MAP2K5: variants seen among roughly 807,000 people sequenced by gnomAD.
MAP2K5 encodes dual specificity mitogen-activated protein kinase kinase 5.
MAP2K5 carries 49 observed loss-of-function variants against 83.1 expected under a neutral mutation model. That is an observed-to-expected ratio of 0.59 (90% CI 0.47 to 0.75). MAP2K5 has a LOEUF of 0.75. MAP2K5 is among the 30% of genes least tolerant of loss of function. The pLI, the probability that MAP2K5 is intolerant of heterozygous loss-of-function variation, is 0.00. For missense variants in MAP2K5, 457 were observed against 557.5 expected (o/e 0.82, Z 1.82); for synonymous variants, 202 against 191.8 (o/e 1.05, Z -0.44).
intron 21 of MAP2K5, among the ~76,000 whole-genome samples, chr15:67,797,897 G>A (rs1326293318): frequency 6.6e-6 from 1 of 152,144 alleles, no homozygotes; most frequent in Non-Finnish European, 1.5e-5. Flanking sequence ...TGGTCAGGCT[G>A]GTCTCGAACT....
At chr15:67,692,401 T>G in intron 13 of MAP2K5, 78 bp from the exon 14 acceptor site, 1 of 888,292 alleles carries the variant, frequency 1.1e-6, no homozygotes, top group Middle Eastern at 2.2e-4. Context: ...CTTGGTGTGG[T>G]GTGCATGTGT....
rs34811815 is a variant in MAP2K5, at chr15:67,555,576, CA to C, written c.184+5498del. Reference sequence around the variant, plus strand: ...AATATCTATTACTGTGTTTGCTCACCAAAAGGTAGAACCAATCTACACTCAC... The same window carrying C: ...AATATCTATTACTGTGTTTGCTCACCAAAGGTAGAACCAATCTACACTCAC... On this transcript the variant is annotated intron_variant, in intron 2 of 21. Transcript: ENST00000178640. This position sits in a 1 kb window ranked among gnomAD's most constrained non-coding sequence, Gnocchi z 5.2. Among the ~76,000 whole-genome samples, 1 of 151,670 alleles carries C rather than the reference CA, an allele frequency of 6.6e-6. No homozygotes were observed. The highest frequency in any genetic ancestry group is 2.4e-5 in the African/African-American group (1 of 41,222).
rs1348838287 is a variant in MAP2K5 at position 67,720,516 on chromosome 15, T to C, written c.1045-7400T>C. Among the ~76,000 whole-genome samples the C allele has an allele frequency of 1.3e-5, 2 of 152,306 alleles. No individual in the cohort carries two copies. The highest frequency in any genetic ancestry group is 4.1e-4 in the South Asian group (2 of 4,832). ...AGCATTTAGCCTGAAATCTACTTTT[T>C]ATCATCTTTACCCAGCCATCAGAAT... is the stretch of plus-strand genomic sequence containing the variant. On this transcript the variant is annotated intron_variant, in intron 16 of 21. Coordinates refer to ENST00000178640, the MANE Select transcript of MAP2K5 (RefSeq NM_145160.3). This position sits in a 1 kb window ranked among gnomAD's most constrained non-coding sequence, Gnocchi z 5.7.
rs1044987937 is a variant in MAP2K5 at position 67,801,135 on chromosome 15, A to G, written c.1243-5511A>G. ...GTCCTAACACTCCATTAGTGTGAGA[A>G]GGGACAGAAGTGTTATCACAGCCAA... On this transcript the variant is annotated intron_variant, in intron 21 of 21. Coordinates refer to ENST00000178640, the MANE Select transcript of MAP2K5 (RefSeq NM_145160.3). The surrounding 1 kb of genome is among the most constrained non-coding windows in gnomAD (Gnocchi z 4.8). 1.3e-5 allele frequency among the ~76,000 whole-genome samples: 2 copies of G among 152,304 alleles called. No homozygotes were observed. Among genetic ancestry groups the G allele is most frequent in the Non-Finnish European group, 1.5e-5 (1 of 68,022 alleles).
chr15:67,735,176 A>G (rs2089310920), intron 17 of MAP2K5, among the ~76,000 whole-genome samples: 1 of 152,188 alleles, frequency 6.6e-6, no homozygotes, highest in African/African-American at 2.4e-5. Flanking sequence ...AAGAAGTCTC[A>G]TTATTTTATT....
chr15:67,771,680 T>C (rs1196989778), intron 20 of MAP2K5, among the ~76,000 whole-genome samples: 1 of 152,214 alleles, frequency 6.6e-6, no homozygotes, highest in African/African-American at 2.4e-5. Context: ...TGGTTATTTA[T>C]AGGGAAGGCA....
In MAP2K5 at chr15:67,736,065, C is replaced by G. The variant is rs2089333743; in HGVS notation, c.1074+8120C>G. On this transcript the variant is annotated intron_variant, in intron 17 of 21. Transcript: ENST00000178640. This position sits in a 1 kb window ranked among gnomAD's most constrained non-coding sequence, Gnocchi z 4.3. The stretch of plus-strand genomic sequence containing the variant: ...ACCATTGTTACTTTCATTTCCCTAA[C>G]AGCTTAGCAATTCTCCTAGGTAACT... 6.6e-6 allele frequency among the ~76,000 whole-genome samples: 1 copy of G among 152,216 alleles called. No individual in the cohort carries two copies. Among genetic ancestry groups the G allele is most frequent in the Non-Finnish European group, 1.5e-5 (1 of 68,052 alleles).
intron 8 of MAP2K5, among the ~76,000 whole-genome samples, chr15:67,621,220 A>G (rs910726841): frequency 1.3e-5 from 2 of 152,150 alleles, no homozygotes; most frequent in African/African-American, 2.4e-5. Flanking sequence ...TGAAAATACA[A>G]ATATTTACAA....
Position 67,720,324 on chromosome 15 carries a change from A to G in MAP2K5, c.1045-7592A>G, listed in dbSNP as rs2088929035. Among the ~76,000 whole-genome samples, 1 of 152,142 alleles carries G rather than the reference A, an allele frequency of 6.6e-6. No homozygotes were observed. The highest frequency in any genetic ancestry group is 1.5e-5 in the Non-Finnish European group (1 of 68,036). On this transcript the variant is annotated intron_variant, in intron 16 of 21. Transcript: ENST00000178640. This position sits in a 1 kb window ranked among gnomAD's most constrained non-coding sequence, Gnocchi z 5.7. ...TACATACACACACATATGCTTATACATACATAAGTATATACATATATATCT... is the reference window on the plus strand; with the variant it reads ...TACATACACACACATATGCTTATACGTACATAAGTATATACATATATATCT...
intron 4 of MAP2K5, among the ~76,000 whole-genome samples, chr15:67,582,219 A>T (rs948257291): frequency 4.0e-5 from 6 of 151,748 alleles, no homozygotes; most frequent in African/African-American, 7.3e-5. Context: ...GTGTCACCAC[A>T]CCCAGCTAAT....
rs1206820023 is a variant in MAP2K5, at chr15:67,698,761, T to G, written c.973-4576T>G. Among the ~76,000 whole-genome samples the G allele has an allele frequency of 6.6e-6, 1 of 152,178 alleles. No homozygotes were observed. Among genetic ancestry groups the G allele is most frequent in the Non-Finnish European group, 1.5e-5 (1 of 68,024 alleles). On this transcript the variant is annotated intron_variant, in intron 15 of 21. Transcript: ENST00000178640. The surrounding 1 kb of genome is among the most constrained non-coding windows in gnomAD (Gnocchi z 4.5). ...TCTTGGTAATTGTCTTTACTCGGAA[T>G]AAAACACATACACATTGCATGATCC...
chr15:67,607,954 A>C (rs1284709310), intron 8 of MAP2K5, among the ~76,000 whole-genome samples: 1 of 152,232 alleles, frequency 6.6e-6, no homozygotes, highest in African/African-American at 2.4e-5. Flanking sequence ...TAATATTTCA[A>C]GTAAGAATTT....
intron 21 of MAP2K5, among the ~76,000 whole-genome samples, chr15:67,796,922 CTTT>C (rs2090615021): frequency 6.6e-6 from 1 of 152,156 alleles, no homozygotes; most frequent in South Asian, 2.1e-4. Context: ...CTTGCCTCTT[CTTT>C]TAAGGACAGA....
chr15:67,592,118 C>CAA (rs71142384), intron 6 of MAP2K5, among the ~76,000 whole-genome samples: 2,411 of 117,936 alleles, frequency 0.02, 148 homozygotes, highest in African/African-American at 0.06. Context: ...AACTATGTCT[C>CAA]AAAAAAAAAA....
rs1260783096 is a variant in MAP2K5, at chr15:67,782,632, A to C, written c.1242+9880A>C. Among the ~76,000 whole-genome samples the C allele has an allele frequency of 2.6e-5, 4 of 152,182 alleles. No homozygotes were observed. The highest frequency in any genetic ancestry group is 9.7e-5 in the African/African-American group (4 of 41,440). Reference sequence around the variant, plus strand: ...TTTAAACGGGCTTGACAGGAATTTAAATTTTGTTTCAATCAACCCCTGTGC... The same window carrying C: ...TTTAAACGGGCTTGACAGGAATTTACATTTTGTTTCAATCAACCCCTGTGC... On this transcript the variant is annotated intron_variant, in intron 21 of 21. Transcript: ENST00000178640. This position sits in a 1 kb window ranked among gnomAD's most constrained non-coding sequence, Gnocchi z 4.9.
At chr15:67,745,868 T>G (rs2089595040) in intron 17 of MAP2K5, among the ~76,000 whole-genome samples, 1 of 152,242 alleles carries the variant, frequency 6.6e-6, no homozygotes. Flanking sequence ...TTGAGTATCT[T>G]AAGCATTTTG....
chr15:67,727,911 C>A lies in MAP2K5; in HGVS notation c.1045-5C>A. On this transcript the variant is annotated splice_region_variant and splice_polypyrimidine_tract_variant and intron_variant, in intron 16 of 21. Transcript: ENST00000178640. Reference sequence around the variant, plus strand: ...TAACTAGACAAATATTATTTCCTTTCCCAGCTTGCTCTTGGGAGGTTTCCA... The same window carrying A: ...TAACTAGACAAATATTATTTCCTTTACCAGCTTGCTCTTGGGAGGTTTCCA... The A allele has an allele frequency of 6.2e-7, 1 of 1,610,212 alleles. No homozygotes were observed. Among genetic ancestry groups the A allele is most frequent in the Non-Finnish European group, 8.5e-7 (1 of 1,176,540 alleles).
chr15:67,705,847 G>T (rs944683825), intron 16 of MAP2K5, among the ~76,000 whole-genome samples: 1 of 152,182 alleles, frequency 6.6e-6, no homozygotes, highest in Non-Finnish European at 1.5e-5. Flanking sequence ...CAAGCTCAAA[G>T]GCACCAAGAT....
chr15:67,557,084 T>G lies in MAP2K5; in HGVS notation c.185-6199T>G, dbSNP rs2140955916. ...ATATGCTGTAAGAGCTTGACATTCA[T>G]ATAGGCCCAGAGACCCCTGCTGATT... On this transcript the variant is annotated intron_variant, in intron 2 of 21. Coordinates refer to ENST00000178640, the MANE Select transcript of MAP2K5 (RefSeq NM_145160.3). Among the ~76,000 whole-genome samples the G allele has an allele frequency of 2.6e-5, 4 of 152,344 alleles. 1 individual carries two copies. The highest frequency in any genetic ancestry group is 6.8e-3 in the Middle Eastern group (2 of 294).
Sources: allele counts gnomAD v4.1 joint callset (sites outside exome capture counted in the v4.1 genomes callset), GRCh38; gene constraint gnomAD v4.1.1; non-coding constraint Gnocchi (gnomAD v3.1); transcripts MANE v1.5; gene names NCBI Gene and HGNC (gene_info 2026-07-23, HGNC 2026-07-21).